L3MBTL4: variants seen among roughly 807,000 people sequenced by gnomAD.
L3MBTL4 encodes the protein lethal(3)malignant brain tumor-like protein 4.
In L3MBTL4, 70 loss-of-function variants were observed where a neutral mutation model predicts 84.5. That is an observed-to-expected ratio of 0.83 (90% CI 0.68 to 1.01). The LOEUF is 1.01. Ranked by LOEUF, L3MBTL4 falls within the 50% of genes least tolerant of loss-of-function variation. The pLI, the probability that L3MBTL4 is intolerant of heterozygous loss-of-function variation, is 0.00. For synonymous variants in L3MBTL4, 274 were observed against 259.8 expected, an observed-to-expected ratio of 1.05 and a Z score of -0.52; for missense variants, 715 against 754.8, an observed-to-expected ratio of 0.95 and a Z score of 0.62.
chr18:6,227,015 T>A (rs544520699), intron 10 of L3MBTL4, among the ~76,000 whole-genome samples: 129 of 152,064 alleles, frequency 8.5e-4, no homozygotes, highest in Non-Finnish European at 1.7e-3. Flanking sequence ...AAAAGAAAGT[T>A]AAAATGGCTA....
chr18:6,403,900 G>A (rs537244493), intron 1 of L3MBTL4, among the ~76,000 whole-genome samples: 9 of 152,238 alleles, frequency 5.9e-5, no homozygotes, highest in Non-Finnish European at 1.2e-4. Flanking sequence ...TATATACCAT[G>A]GAATACTACT....
intron 1 of L3MBTL4, among the ~76,000 whole-genome samples, chr18:6,372,908 A>G (rs754653176): frequency 2.0e-5 from 3 of 152,194 alleles, no homozygotes; most frequent in Non-Finnish European, 4.4e-5. Flanking sequence ...ATGGGAAGAA[A>G]GTTTAAATTC....
At chr18:6,236,698 C>T (rs1599277976) in intron 10 of L3MBTL4, among the ~76,000 whole-genome samples, 1 of 152,136 alleles carries the variant, frequency 6.6e-6, no homozygotes, top group African/African-American at 2.4e-5. Context: ...GACTCCAAAT[C>T]TCTCTATATA....
chr18:5,968,568 A>T (rs998518456), intron 17 of L3MBTL4, among the ~76,000 whole-genome samples: 1 of 152,078 alleles, frequency 6.6e-6, no homozygotes, highest in Non-Finnish European at 1.5e-5. Context: ...GTGGTGGCAC[A>T]TGCCTATAGT....
At chr18:6,168,790 C>T (rs943826891) in intron 13 of L3MBTL4, among the ~76,000 whole-genome samples, 1 of 152,114 alleles carries the variant, frequency 6.6e-6, no homozygotes, top group Non-Finnish European at 1.5e-5. Context: ...GTCTAAAACA[C>T]CAAAAGCAAT....
chr18:6,230,084 CTTTTA>C (rs1226451713), intron 10 of L3MBTL4, among the ~76,000 whole-genome samples: 2 of 151,938 alleles, frequency 1.3e-5, no homozygotes, highest in Admixed American at 6.6e-5. Context: ...TTTTTTTAAA[CTTTTA>C]TTTTAGGTTC....
chr18:6,265,554 AT>A (rs2048593320), intron 4 of L3MBTL4, among the ~76,000 whole-genome samples: 1 of 152,326 alleles, frequency 6.6e-6, no homozygotes, highest in Non-Finnish European at 1.5e-5. Flanking sequence ...CGAAAACTAT[AT>A]TTTTATGCTT....
rs533464197 is a variant in L3MBTL4 at position 5,967,752 on chromosome 18, G to A, written c.1614+1641C>T. On this transcript the variant is annotated intron_variant, in intron 17 of 18. Transcript: ENST00000317931. Reference sequence around the variant, plus strand: ...AGCATGGAGCCCCAGGCTGCTGCTGGCAGTGGGCAGAGTGGGAGAAGGCGG... The same window carrying A: ...AGCATGGAGCCCCAGGCTGCTGCTGACAGTGGGCAGAGTGGGAGAAGGCGG... Among the ~76,000 whole-genome samples the A allele has an allele frequency of 8.2e-4, 125 of 152,370 alleles. 1 individual carries two copies. Among genetic ancestry groups the A allele is most frequent in the Admixed American group, 8.5e-4 (13 of 15,308 alleles).
At chr18:6,056,848 T>C (rs1785234) in intron 16 of L3MBTL4, among the ~76,000 whole-genome samples, 85,597 of 152,026 alleles carry the variant, frequency 0.56, 26,670 homozygotes, top group African/African-American at 0.83. Context: ...GCAGATCAAG[T>C]GCCTCAACAG....
chr18:6,055,470 A>G (rs1196814909), intron 16 of L3MBTL4, among the ~76,000 whole-genome samples: 2 of 152,114 alleles, frequency 1.3e-5, no homozygotes, highest in East Asian at 3.9e-4. Context: ...GTTTTCTTCG[A>G]TAGTATGTTA....
chr18:6,138,296 C>T lies in L3MBTL4; in HGVS notation c.1097G>A (p.Arg366Gln), dbSNP rs1308586271. The change falls in exon 14 of 19, where the codon CGA (arginine) becomes CAA (glutamine). Residue 366 changes from arginine to glutamine, a missense_variant and splice_region_variant. Coordinates refer to ENST00000317931, the MANE Select transcript of L3MBTL4 (RefSeq NM_001330559.2). The part of the protein sequence containing the change: ...VTGHPLEVPQ[R>Q]TNDLKILPGQ... ...TGGAAGGATCTTCAGGTCATTCGTT[C>T]CTTCAGGAAGTAAAAGAACATGCCT... The T allele has an allele frequency of 6.2e-6, 10 of 1,603,706 alleles. No individual in the cohort carries two copies. In the African/African-American group the frequency reaches 9.4e-5, roughly 15 times the overall value.
chr18:6,060,861 C>A (rs1028095772), intron 16 of L3MBTL4, among the ~76,000 whole-genome samples: 6 of 152,022 alleles, frequency 3.9e-5, no homozygotes, highest in African/African-American at 1.4e-4. Context: ...GAATAATATT[C>A]CTTTGTATGA....
At chr18:5,999,723 G>T (rs149536881) in intron 16 of L3MBTL4, among the ~76,000 whole-genome samples, 95 of 152,334 alleles carry the variant, frequency 6.2e-4, no homozygotes, top group African/African-American at 2.2e-3. Flanking sequence ...AAGCAACTGT[G>T]ATTGGCTAGA....
intron 4 of L3MBTL4, among the ~76,000 whole-genome samples, chr18:6,269,595 G>A (rs1308203905): frequency 6.6e-6 from 1 of 152,050 alleles, no homozygotes; most frequent in East Asian, 1.9e-4. Context: ...AATGCAAAAG[G>A]AATAAATTCA....
chr18:6,115,219 G>A (rs1298069171), intron 14 of L3MBTL4, among the ~76,000 whole-genome samples: 1 of 152,196 alleles, frequency 6.6e-6, no homozygotes, highest in Non-Finnish European at 1.5e-5. Context: ...GCAGAGTGGT[G>A]GGACAGTGAG....
chr18:6,371,703 A>G (rs2054167762), intron 1 of L3MBTL4, among the ~76,000 whole-genome samples: 1 of 152,348 alleles, frequency 6.6e-6, no homozygotes, highest in South Asian at 2.1e-4. Flanking sequence ...TAATTTAGCT[A>G]CAAATGCATA....
At chr18:6,350,166 A>G (rs1440916327) in intron 1 of L3MBTL4, among the ~76,000 whole-genome samples, 3 of 148,508 alleles carry the variant, frequency 2.0e-5, no homozygotes, top group African/African-American at 7.9e-5. Flanking sequence ...AGAAGAAAAC[A>G]TAAGTGAAAA....
chr18:6,060,167 T>C (rs1342088488), intron 16 of L3MBTL4, among the ~76,000 whole-genome samples: 2 of 152,176 alleles, frequency 1.3e-5, no homozygotes, highest in East Asian at 3.8e-4. Context: ...ATACTCTCAT[T>C]ATGCCATCAG....
intron 18 of L3MBTL4, among the ~76,000 whole-genome samples, chr18:5,957,434 G>A (rs772211496): frequency 3.3e-5 from 5 of 151,916 alleles, no homozygotes; most frequent in Non-Finnish European, 7.4e-5. Context: ...TAGCTTCCCC[G>A]AGACTCACAG....
Sources: gnomAD v4.1 joint callset for allele counts (sites outside exome capture counted in the v4.1 genomes callset) on GRCh38, gnomAD v4.1.1 for gene constraint, MANE v1.5 for transcripts, NCBI Gene and HGNC (gene_info 2026-07-23, HGNC 2026-07-21) for gene names.